The following FOXO3 variants were observed in gnomAD, a reference collection of about 807,000 sequenced individuals.
FOXO3 encodes forkhead box O3.
In FOXO3, 4 loss-of-function variants were observed where a neutral mutation model predicts 41.9. The observed-to-expected ratio is 0.10, with a 90% confidence interval of 0.05 to 0.22. The LOEUF is 0.22. FOXO3 is among the 10% of genes least tolerant of loss of function. The pLI, the probability that FOXO3 is intolerant of heterozygous loss-of-function variation, is 1.00. For missense variants in FOXO3, 534 were observed against 906.8 expected, an observed-to-expected ratio of 0.59 and a Z score of 5.28; for synonymous variants, 318 against 389.3, an observed-to-expected ratio of 0.82 and a Z score of 2.16.
chr6:108,595,787 T>C (rs968583854), intron 1 of FOXO3, among the ~76,000 whole-genome samples: 5 of 152,208 alleles, frequency 3.3e-5, no homozygotes, highest in African/African-American at 9.6e-5. Context: ...ATGAAATTAG[T>C]GACCTCTGTG....
chr6:108,633,842 T>TAA (rs58983314), intron 1 of FOXO3, among the ~76,000 whole-genome samples: 2 of 142,370 alleles, frequency 1.4e-5, no homozygotes. Context: ...AGAAGTCAAT[T>TAA]AAAAAAAAAA....
chr6:108,643,016 C>T (rs1018852409), intron 1 of FOXO3, among the ~76,000 whole-genome samples: 4 of 152,192 alleles, frequency 2.6e-5, no homozygotes, highest in African/African-American at 9.7e-5. Context: ...GTGTATTTCA[C>T]ATGATCAGAT....
intron 1 of FOXO3, among the ~76,000 whole-genome samples, chr6:108,578,258 C>T (rs1327142028): frequency 6.6e-6 from 1 of 152,162 alleles, no homozygotes; most frequent in Non-Finnish European, 1.5e-5. Context: ...ACAAGCCCTC[C>T]AGGTGATTCT....
At chr6:108,630,247 A>G (rs139810007) in intron 1 of FOXO3, among the ~76,000 whole-genome samples, 1 of 152,300 alleles carries the variant, frequency 6.6e-6, no homozygotes, top group African/African-American at 2.4e-5. Context: ...GGAGGGTACA[A>G]GGAAGGCAGA....
At chr6:108,605,350 C>G (rs1304066509) in intron 1 of FOXO3, among the ~76,000 whole-genome samples, 1 of 152,174 alleles carries the variant, frequency 6.6e-6, no homozygotes, top group Non-Finnish European at 1.5e-5. Context: ...AACTCCTGAC[C>G]TTGTGATCTG....
In FOXO3 at chr6:108,684,261, C is replaced by G. The variant is rs1365488964; in HGVS notation, c.*4469C>G. 2 of 152,088 alleles carry G rather than the reference C, an allele frequency of 1.3e-5. No homozygotes were observed. Among genetic ancestry groups the G allele is most frequent in the Non-Finnish European group, 2.9e-5 (2 of 67,988 alleles). 9.4% of individuals were successfully genotyped at this position (152,088 alleles called of 1,614,324 possible). A position where few individuals can be genotyped will look rare whatever the true frequency, so the allele number is the denominator to read the frequency against. On this transcript the variant is annotated 3_prime_UTR_variant, in exon 3 of 3. Coordinates refer to ENST00000406360, the MANE Select transcript of FOXO3 (RefSeq NM_001455.4). ...AAATGTAAACAAATGTGAAGGAGGA[C>G]CAGAAAAATTAGTTAATATTTAAAA...
At chr6:108,661,171 G>A (rs1395135407) in intron 1 of FOXO3, among the ~76,000 whole-genome samples, 1 of 152,146 alleles carries the variant, frequency 6.6e-6, no homozygotes, top group Non-Finnish European at 1.5e-5. Context: ...GAACCCTGGA[G>A]GCGGAGGTTG....
intron 1 of FOXO3, among the ~76,000 whole-genome samples, chr6:108,563,519 AGGAAGGC>A (rs1775872563): frequency 6.6e-6 from 1 of 152,232 alleles, no homozygotes; most frequent in Non-Finnish European, 1.5e-5. Context: ...GTATAGTATC[AGGAAGGC>A]GTAAGCGGAC....
rs1389576679 is a variant in FOXO3, at chr6:108,664,782, A to G, written c.1949A>G (p.Asn650Ser). The change falls in exon 2 of 3, where the codon AAT (asparagine) becomes AGT (serine). Residue 650 changes from asparagine to serine, a missense_variant. Transcript: ENST00000406360. Reference sequence around the variant, plus strand: ...TTTGATTCCCTCATCTCCACACAGAATGTTGTTGGTTTGAACGTGGGGAAC... The same window carrying G: ...TTTGATTCCCTCATCTCCACACAGAGTGTTGTTGGTTTGAACGTGGGGAAC... ...FNFDSLISTQ[N>S]VVGLNVGNFT... is the part of the protein sequence containing the mutation. The G allele has an allele frequency of 2.1e-6, 3 of 1,456,378 alleles. No individual in the cohort carries two copies. Among genetic ancestry groups the G allele is most frequent in the Non-Finnish European group, 2.8e-6 (3 of 1,069,484 alleles). 90.2% of individuals were successfully genotyped at this position (1,456,378 alleles called of 1,614,324 possible). A position where few individuals can be genotyped will look rare whatever the true frequency, so the allele number is the denominator to read the frequency against.
At chr6:108,569,927 T>G (rs939892213) in intron 1 of FOXO3, among the ~76,000 whole-genome samples, 10 of 150,868 alleles carry the variant, frequency 6.6e-5, no homozygotes, top group African/African-American at 2.4e-4. Context: ...GGAATTTGTT[T>G]GAAAACCATT....
At chr6:108,655,747 T>C (rs570581612) in intron 1 of FOXO3, among the ~76,000 whole-genome samples, 15 of 152,344 alleles carry the variant, frequency 9.8e-5, no homozygotes, top group Admixed American at 9.1e-4. Flanking sequence ...CTCCTGAAGC[T>C]AGCTGTTTGC....
intron 2 of FOXO3, among the ~76,000 whole-genome samples, chr6:108,670,307 C>G (rs1015507978): frequency 7.2e-5 from 11 of 152,060 alleles, no homozygotes; most frequent in African/African-American, 2.7e-4. Flanking sequence ...CATTGAATTT[C>G]AAAGTATTGC....
chr6:108,603,002 A>T (rs1562240861), intron 1 of FOXO3, among the ~76,000 whole-genome samples: 2 of 152,210 alleles, frequency 1.3e-5, no homozygotes, highest in African/African-American at 4.8e-5. Context: ...ATTTTCTGAG[A>T]TAAAAATCTT....
chr6:108,587,527 G>A (rs1002741354), intron 1 of FOXO3, among the ~76,000 whole-genome samples: 1 of 152,106 alleles, frequency 6.6e-6, no homozygotes, highest in Admixed American at 6.5e-5. Context: ...GTGTATGTGT[G>A]CACACACAAA....
intron 1 of FOXO3, among the ~76,000 whole-genome samples, chr6:108,591,495 A>G (rs1239346294): frequency 6.6e-6 from 1 of 152,200 alleles, no homozygotes; most frequent in Admixed American, 6.5e-5. Context: ...CCAAAATTCT[A>G]AATCATCGGG....
At position 108,630,932 on chromosome 6, in the gene FOXO3, T is replaced by C. The variant is rs191734735; in HGVS notation, c.622-32523T>C. Among the ~76,000 whole-genome samples the C allele has an allele frequency of 4.6e-5, 7 of 152,294 alleles. No individual in the cohort carries two copies. In the East Asian group the frequency reaches 1.2e-3, roughly 25 times the overall value. ...TAATTGATTAGAATGCAAAAAATAA[T>C]CTTGGGCTTTGGGTTCCTTTATTGC... On this transcript the variant is annotated intron_variant, in intron 1 of 2. Transcript: ENST00000406360.
chr6:108,618,388 A>G (rs887990530), intron 1 of FOXO3: 9 of 511,376 alleles, frequency 1.8e-5, no homozygotes, highest in Non-Finnish European at 2.5e-5. Flanking sequence ...AGAAGGAGGC[A>G]GCAGCAGCAG....
At chr6:108,665,133 G>A (rs544498764) in intron 2 of FOXO3, among the ~76,000 whole-genome samples, 17 of 152,206 alleles carry the variant, frequency 1.1e-4, no homozygotes, top group Non-Finnish European at 2.1e-4. Flanking sequence ...TGCTCGTGAA[G>A]AGAACACGTA....
At chr6:108,567,817 T>C (rs113412119) in intron 1 of FOXO3, among the ~76,000 whole-genome samples, 19,343 of 151,964 alleles carry the variant, frequency 0.13, 1,433 homozygotes, top group South Asian at 0.27. Context: ...GAGGCCCAGG[T>C]GGGTGGATCA....
Sources: allele counts gnomAD v4.1 joint callset (sites outside exome capture counted in the v4.1 genomes callset), GRCh38; gene constraint gnomAD v4.1.1; transcripts MANE v1.5; gene names NCBI Gene and HGNC (gene_info 2026-07-23, HGNC 2026-07-21).